ANKS1B: variants seen among roughly 807,000 people sequenced by gnomAD.
The protein encoded by ANKS1B is ankyrin repeat and sterile alpha motif domain-containing protein 1B.
In ANKS1B, 36 loss-of-function variants were observed where a neutral mutation model predicts 148.3. That is an observed-to-expected ratio of 0.24 (90% CI 0.19 to 0.32). ANKS1B has a LOEUF of 0.32. ANKS1B is among the 10% of genes least tolerant of loss of function. The pLI is 1.00. For synonymous variants in ANKS1B, 542 were observed against 560.8 expected, an observed-to-expected ratio of 0.97 and a Z score of 0.47; for missense variants, 1,157 against 1,542.6, an observed-to-expected ratio of 0.75 and a Z score of 4.19.
At chr12:99,701,740 T>C (rs1358881264) in intron 8 of ANKS1B, among the ~76,000 whole-genome samples, 2 of 152,104 alleles carry the variant, frequency 1.3e-5, no homozygotes, top group African/African-American at 4.8e-5. Flanking sequence ...TCTGTCCCCA[T>C]AAGTTCAATT....
intron 14 of ANKS1B, among the ~76,000 whole-genome samples, chr12:99,181,460 A>G (rs1400079981): frequency 6.6e-6 from 1 of 152,234 alleles, no homozygotes; most frequent in Non-Finnish European, 1.5e-5. Flanking sequence ...TAAACAGCAA[A>G]TTAGTGAACA....
intron 9 of ANKS1B, among the ~76,000 whole-genome samples, chr12:99,516,497 C>A (rs1278838297): frequency 6.6e-6 from 1 of 152,042 alleles, no homozygotes; most frequent in African/African-American, 2.4e-5. Context: ...GAAGAGAAAA[C>A]CAAACACCTC....
intron 5 of ANKS1B, among the ~76,000 whole-genome samples, chr12:99,780,499 G>A (rs943607448): frequency 6.6e-6 from 1 of 151,796 alleles, no homozygotes; most frequent in African/African-American, 2.4e-5. Flanking sequence ...AGCAAGGATG[G>A]TCTCGATATC....
intron 17 of ANKS1B, among the ~76,000 whole-genome samples, chr12:98,886,173 C>T (rs4762215): frequency 0.091 from 13,799 of 151,848 alleles, 1,084 homozygotes; most frequent in East Asian, 0.37. Context: ...TGTAGAATAA[C>T]GAGTTCAATG....
chr12:99,613,137 A>G (rs1235228168), intron 9 of ANKS1B, among the ~76,000 whole-genome samples: 2 of 152,170 alleles, frequency 1.3e-5, no homozygotes, highest in Non-Finnish European at 2.9e-5. Context: ...CTAATCTTCA[A>G]GTAATTTCTA....
At chr12:99,476,222 A>G (rs764627798) in intron 10 of ANKS1B, among the ~76,000 whole-genome samples, 11 of 152,020 alleles carry the variant, frequency 7.2e-5, no homozygotes, top group Non-Finnish European at 1.3e-4. Flanking sequence ...GTGAAATCCC[A>G]TCTCTACTAA....
chr12:99,255,130 A>G (rs1025213283), intron 12 of ANKS1B, among the ~76,000 whole-genome samples: 8 of 152,208 alleles, frequency 5.3e-5, no homozygotes, highest in African/African-American at 1.7e-4. Context: ...TAGACTCAAC[A>G]TATTCTTTGT....
chr12:99,607,419 A>G (rs1388917362), intron 9 of ANKS1B, among the ~76,000 whole-genome samples: 1 of 151,772 alleles, frequency 6.6e-6, no homozygotes, highest in Non-Finnish European at 1.5e-5. Flanking sequence ...TTAGCAATCC[A>G]TATTTACTGT....
intron 9 of ANKS1B, among the ~76,000 whole-genome samples, chr12:99,570,369 C>T (rs959490758): frequency 3.9e-5 from 6 of 151,914 alleles, no homozygotes; most frequent in Non-Finnish European, 7.4e-5. Context: ...GCGGATAGGC[C>T]GGGCACAGTG....
At chr12:99,560,840 C>CTTTTTTTTTTTTTT (rs58588885) in intron 9 of ANKS1B, among the ~76,000 whole-genome samples, 1 of 71,922 alleles carries the variant, frequency 1.4e-5, no homozygotes, top group Non-Finnish European at 2.7e-5. Flanking sequence ...TTTCTTTTTT[C>CTTTTTTTTTTTTTT]TTTTTTTTTT....
intron 12 of ANKS1B, among the ~76,000 whole-genome samples, chr12:99,324,414 G>T (rs1434474398): frequency 6.6e-6 from 1 of 152,108 alleles, no homozygotes; most frequent in South Asian, 2.1e-4. Context: ...TGGGAACAAT[G>T]AACTAGAAGA....
chr12:99,637,473 G>A (rs894222076), intron 9 of ANKS1B, among the ~76,000 whole-genome samples: 15 of 152,146 alleles, frequency 9.9e-5, no homozygotes, highest in Non-Finnish European at 1.5e-4. Flanking sequence ...GTGTGTCTGT[G>A]AGGGTGTTGC....
intron 17 of ANKS1B, among the ~76,000 whole-genome samples, chr12:98,952,541 C>T (rs1049183244): frequency 3.3e-5 from 5 of 152,214 alleles, no homozygotes; most frequent in Non-Finnish European, 7.3e-5. Flanking sequence ...GTCTGATCCT[C>T]AGCCCTGTCT....
At chr12:99,567,930 C>A (rs965850811) in intron 9 of ANKS1B, among the ~76,000 whole-genome samples, 3 of 152,160 alleles carry the variant, frequency 2.0e-5, no homozygotes, top group Admixed American at 2.0e-4. Context: ...TGAGTCAGCT[C>A]CCCTGCCCCC....
chr12:99,783,799 G>C (rs1312293539), intron 4 of ANKS1B, among the ~76,000 whole-genome samples: 1 of 151,882 alleles, frequency 6.6e-6, no homozygotes, highest in Non-Finnish European at 1.5e-5. Context: ...GGAGGAAGAA[G>C]TTCTAGTATT....
chr12:99,761,903 A>G (rs117047906), intron 8 of ANKS1B, among the ~76,000 whole-genome samples: 1,807 of 152,210 alleles, frequency 0.012, 7 homozygotes, highest in Middle Eastern at 0.024. Flanking sequence ...CATCAATAAC[A>G]TTCAATCTGA....
intron 9 of ANKS1B, among the ~76,000 whole-genome samples, chr12:98,738,356 C>G (rs1454391675): frequency 6.6e-6 from 1 of 152,158 alleles, no homozygotes; most frequent in African/African-American, 2.4e-5. Context: ...TTCCATCACC[C>G]AGGGCTAGAA....
chr12:99,208,528 G>C (rs1275566857), intron 14 of ANKS1B, among the ~76,000 whole-genome samples: 1 of 152,086 alleles, frequency 6.6e-6, no homozygotes, highest in African/African-American at 2.4e-5. Context: ...TCCAACAATT[G>C]TATGTAATCC....
In ANKS1B at chr12:99,024,942, C is replaced by T. The variant is rs549975604; in HGVS notation, c.2778+28215G>A. Among the ~76,000 whole-genome samples the T allele has an allele frequency of 9.9e-5, 15 of 152,250 alleles. 1 individual carries two copies. In the South Asian group the frequency reaches 2.9e-3, roughly 30 times the overall value. On this transcript the variant is annotated intron_variant, in intron 17 of 26. Transcript: ENST00000683438. Reference sequence around the variant, plus strand: ...CCAATTCTAAGAAGTTTATCCTGCCCTCCCTCACGCTTCCTGTCCCACGGA... The same window carrying T: ...CCAATTCTAAGAAGTTTATCCTGCCTTCCCTCACGCTTCCTGTCCCACGGA...
Sources: gnomAD v4.1 joint callset for allele counts (sites outside exome capture counted in the v4.1 genomes callset) on GRCh38, gnomAD v4.1.1 for gene constraint, MANE v1.5 for transcripts, NCBI Gene and HGNC (gene_info 2026-07-23, HGNC 2026-07-21) for gene names.